The following FARP1 variants were observed in gnomAD, a reference collection of about 807,000 sequenced individuals.
FARP1 encodes the protein FERM, ARHGEF and pleckstrin domain-containing protein 1.
Under a neutral mutation model 128.8 loss-of-function variants are expected in FARP1, and 52 were observed. The observed-to-expected ratio is 0.40, with a 90% CI of 0.32 to 0.51. The LOEUF (loss-of-function observed/expected upper bound fraction) is 0.51. Among genes scored for constraint, FARP1 ranks in the 20% least tolerant of loss-of-function variants. FARP1 has a pLI of 0.45. For synonymous variants in FARP1, 580 were observed against 551.8 expected, an observed-to-expected ratio of 1.05 and a Z score of -0.72; for missense variants, 1,333 against 1,367.9, an observed-to-expected ratio of 0.97 and a Z score of 0.40.
At chr13:98,348,888 G>C (rs1888289565) in intron 3 of FARP1, among the ~76,000 whole-genome samples, 1 of 152,182 alleles carries the variant, frequency 6.6e-6, no homozygotes, top group Non-Finnish European at 1.5e-5. Flanking sequence ...AAATTTTACA[G>C]TGAGCAAATC....
At chr13:98,344,034 T>C (rs568610307) in intron 3 of FARP1, among the ~76,000 whole-genome samples, 168 bp downstream of exon 3, 1 of 151,704 alleles carries the variant, frequency 6.6e-6, no homozygotes, top group East Asian at 1.9e-4. Context: ...CCTCTTGGTT[T>C]AGACTAGCCA....
chr13:98,170,247 G>A (rs945343825), intron 1 of FARP1, among the ~76,000 whole-genome samples: 3 of 152,032 alleles, frequency 2.0e-5, no homozygotes, highest in Admixed American at 6.6e-5. Flanking sequence ...GCAGTGGCGC[G>A]ATCTCAGATC....
In FARP1 at chr13:98,174,178, C is replaced by T. The variant is rs1475390371; in HGVS notation, c.-24+30686C>T. Among the ~76,000 whole-genome samples, 4 of 152,226 alleles carry T rather than the reference C, an allele frequency of 2.6e-5. No individual in the cohort carries two copies. In the East Asian group the frequency reaches 7.7e-4, roughly 29 times the overall value. On this transcript the variant is annotated intron_variant, in intron 1 of 26. Transcript: ENST00000319562. ...AAATTGCCAAATTCGGCAACGCTTACTAGTGATCGCCTTTCTGCTTAATTT... is the reference window on the plus strand; with the variant it reads ...AAATTGCCAAATTCGGCAACGCTTATTAGTGATCGCCTTTCTGCTTAATTT...
rs182205808 is a variant in FARP1, at chr13:98,260,157, C to T, written c.171+46744C>T. ...CAAGTTTTAAAAAAGCACACACACA[C>T]GCCCCTCGTCAAGTTTCCTAATACA... On this transcript the variant is annotated intron_variant, in intron 2 of 26. Transcript: ENST00000319562. Among the ~76,000 whole-genome samples, 47 of 152,238 alleles carry T rather than the reference C, an allele frequency of 3.1e-4. No homozygotes were observed. The East Asian group carries it at 3.3e-3, about 11-fold the overall frequency.
intron 2 of FARP1, among the ~76,000 whole-genome samples, chr13:98,317,288 C>A (rs1886761968): frequency 6.6e-6 from 1 of 152,152 alleles, no homozygotes; most frequent in Non-Finnish European, 1.5e-5. Context: ...GAGCTGGGGT[C>A]TTGCGCTGTC....
At chr13:98,383,784 C>CATTCCAGCAGTATTGAGGACTT (rs1889980822) in intron 6 of FARP1, 1 of 152,196 alleles carries the variant, frequency 6.6e-6, no homozygotes, top group Non-Finnish European at 1.5e-5. Flanking sequence ...TAACTTTCCA[C>CATTCCAGCAGTATTGAGGACTT]ATTCCAGCAG....
chr13:98,333,966 A>ACAC (rs138529590), intron 2 of FARP1: 2 of 151,628 alleles, frequency 1.3e-5, no homozygotes, highest in Non-Finnish European at 2.9e-5. Flanking sequence ...CTCCTCCTCC[A>ACAC]CATCATCATC....
intron 3 of FARP1, among the ~76,000 whole-genome samples, chr13:98,364,267 G>A (rs528288156): frequency 7.9e-5 from 12 of 152,232 alleles, no homozygotes; most frequent in Non-Finnish European, 1.6e-4. Context: ...ACTAATCCAT[G>A]TATCTATCAG....
At chr13:98,359,346 A>AT (rs1218503779) in intron 3 of FARP1, among the ~76,000 whole-genome samples, 2 of 152,206 alleles carry the variant, frequency 1.3e-5, no homozygotes, top group African/African-American at 4.8e-5. Context: ...CCCTGCTCTC[A>AT]TATCAAATAA....
chr13:98,265,371 G>A (rs1490078810), intron 2 of FARP1, among the ~76,000 whole-genome samples: 22 of 130,322 alleles, frequency 1.7e-4, no homozygotes, highest in African/African-American at 6.2e-4. Flanking sequence ...CCAGGCTGGA[G>A]TGCAGTGGCG....
At chr13:98,174,610 G>GGACAA (rs1408130061) in intron 1 of FARP1, among the ~76,000 whole-genome samples, 1 of 152,162 alleles carries the variant, frequency 6.6e-6, no homozygotes, top group Admixed American at 6.5e-5. Context: ...GCTTTGGCAA[G>GGACAA]GACAATTCTT....
intron 16 of FARP1, among the ~76,000 whole-genome samples, chr13:98,418,122 T>TC (rs1891456534): frequency 6.6e-6 from 1 of 152,180 alleles, no homozygotes; most frequent in Non-Finnish European, 1.5e-5. Context: ...TGATCATAGA[T>TC]AACTTCAGCC....
intron 1 of FARP1, among the ~76,000 whole-genome samples, chr13:98,210,317 C>T (rs1252888920): frequency 1.3e-5 from 2 of 151,898 alleles, no homozygotes; most frequent in African/African-American, 2.4e-5. Context: ...GTTCATTTTG[C>T]TTTTTTGGTT....
chr13:98,157,508 G>T (rs1876575817), intron 1 of FARP1, among the ~76,000 whole-genome samples: 1 of 152,182 alleles, frequency 6.6e-6, no homozygotes, highest in South Asian at 2.1e-4. Flanking sequence ...CCGGGTGCCA[G>T]CGTGGACCCT....
intron 11 of FARP1, among the ~76,000 whole-genome samples, chr13:98,391,189 A>G (rs1244168200): frequency 2.0e-5 from 3 of 152,154 alleles, no homozygotes; most frequent in Non-Finnish European, 4.4e-5. Flanking sequence ...AAACTAGCTC[A>G]CTGGTGAGTC....
At chr13:98,186,958 C>G (rs1878915603) in intron 1 of FARP1, among the ~76,000 whole-genome samples, 1 of 127,818 alleles carries the variant, frequency 7.8e-6, no homozygotes, top group South Asian at 2.6e-4. Context: ...CGCCACTGCA[C>G]TCTAGCCTGG....
At chr13:98,413,488 C>T (rs1217009522) in intron 16 of FARP1, among the ~76,000 whole-genome samples, 1 of 152,096 alleles carries the variant, frequency 6.6e-6, no homozygotes, top group African/African-American at 2.4e-5. Flanking sequence ...AGCAAGACCC[C>T]ATCTCAACAA....
intron 3 of FARP1, among the ~76,000 whole-genome samples, chr13:98,347,853 A>AC (rs1888245383): frequency 6.6e-6 from 1 of 152,210 alleles, no homozygotes; most frequent in Admixed American, 6.5e-5. Context: ...AACTGGGTTC[A>AC]CCCCATTTCT....
intron 26 of FARP1, 55 bp from the exon 27 acceptor site, chr13:98,448,181 G>GTGTC (rs955402680): frequency 1.4e-6 from 2 of 1,443,324 alleles, no homozygotes; most frequent in South Asian, 1.1e-5. Flanking sequence ...GCCCACCAAA[G>GTGTC]TGTCAGGAGT....
Sources: gnomAD v4.1 joint callset for allele counts (sites outside exome capture counted in the v4.1 genomes callset) on GRCh38, gnomAD v4.1.1 for gene constraint, MANE v1.5 for transcripts, NCBI Gene and HGNC (gene_info 2026-07-23, HGNC 2026-07-21) for gene names.